The following GREM2 variants were observed in gnomAD, a reference collection of about 807,000 sequenced individuals.
GREM2 encodes the protein gremlin 2, DAN family BMP antagonist.
A neutral mutation model predicts 14.2 loss-of-function variants in GREM2; 11 were observed. The ratio of observed to expected loss-of-function variants is 0.78; its 90% CI spans 0.49 to 1.28. The LOEUF is 1.28. Ranked by LOEUF, GREM2 falls within the 50% of genes most tolerant of loss-of-function variation. GREM2 has a pLI of 0.00. For missense variants in GREM2, 210 were observed against 218.5 expected, an observed-to-expected ratio of 0.96 and a Z score of 0.24; for synonymous variants, 98 against 97.6, an observed-to-expected ratio of 1.00 and a Z score of -0.02.
intron 1 of GREM2, among the ~76,000 whole-genome samples, chr1:240,576,256 A>G (rs1200796531): frequency 1.3e-5 from 2 of 152,166 alleles, no homozygotes; most frequent in African/African-American, 2.4e-5. Context: ...AGGGCCAGCA[A>G]TAGAATTGTC....
rs535746531 is a variant in GREM2, at chr1:240,569,705, G to C, written c.-2+42179C>G. ...ACACCACATACAAAAATTTACTCAT[G>C]ATGGGTAACAGATACAAATGTAAAA... On this transcript the variant is annotated intron_variant, in intron 1 of 1. Transcript: ENST00000318160. Among the ~76,000 whole-genome samples, 6 of 152,240 alleles carry C rather than the reference G, an allele frequency of 3.9e-5. No homozygotes were observed. The East Asian group carries it at 5.8e-4, about 15-fold the overall frequency.
intron 1 of GREM2, among the ~76,000 whole-genome samples, chr1:240,523,419 A>C (rs1678147332): frequency 6.6e-6 from 1 of 152,194 alleles, no homozygotes; most frequent in South Asian, 2.1e-4. Context: ...CACCAGTAGC[A>C]GTTTCTCCCT....
At chr1:240,547,311 T>C (rs141934927) in intron 1 of GREM2, among the ~76,000 whole-genome samples, 36 of 151,774 alleles carry the variant, frequency 2.4e-4, no homozygotes, top group African/African-American at 7.0e-4. Context: ...CCATCCTGGC[T>C]AACACTGCGA....
chr1:240,584,078 C>T (rs943128115), intron 1 of GREM2, among the ~76,000 whole-genome samples: 1 of 151,862 alleles, frequency 6.6e-6, no homozygotes, highest in Admixed American at 6.6e-5. Flanking sequence ...TCAATGGATT[C>T]AACCAAACTC....
chr1:240,557,825 A>G (rs962876454), intron 1 of GREM2, among the ~76,000 whole-genome samples: 7 of 152,048 alleles, frequency 4.6e-5, no homozygotes, highest in African/African-American at 1.7e-4. Context: ...CAGGGTGACT[A>G]CCTCAGCAAG....
intron 1 of GREM2, among the ~76,000 whole-genome samples, chr1:240,505,518 T>G (rs934108128): frequency 6.6e-6 from 1 of 152,186 alleles, no homozygotes; most frequent in African/African-American, 2.4e-5. Flanking sequence ...CCTTTTTGTA[T>G]TTAATAATTA....
chr1:240,490,190 G>A lies in GREM2; in HGVS notation c.*2779C>T, dbSNP rs1677215638. ...TGCTGCAGTTTCTCAAGGTTTCCTT[G>A]TTTAGTGTTTCTCCTTCAGCCAGCA... is the stretch of plus-strand genomic sequence containing the variant. On this transcript the variant is annotated 3_prime_UTR_variant, in exon 2 of 2. Transcript: ENST00000318160. The A allele has an allele frequency of 6.6e-6, 1 of 152,202 alleles. No homozygotes were observed. Among genetic ancestry groups the A allele is most frequent in the East Asian group, 1.9e-4 (1 of 5,188 alleles). 9.4% of individuals were successfully genotyped at this position (152,202 alleles called of 1,614,324 possible).
chr1:240,593,506 A>T lies in GREM2; in HGVS notation c.-2+18378T>A, dbSNP rs570428361. 3.9e-5 allele frequency among the ~76,000 whole-genome samples: 6 copies of T among 152,334 alleles called. No homozygotes were observed. In the East Asian group the frequency reaches 9.6e-4, roughly 24 times the overall value. On this transcript the variant is annotated intron_variant, in intron 1 of 1. Coordinates refer to ENST00000318160, the MANE Select transcript of GREM2 (RefSeq NM_022469.4). ...CCAGATTTTAAAACCCAGCACAATG[A>T]GTCTACCTAGTTTACAAGATTAGGT...
intron 1 of GREM2, among the ~76,000 whole-genome samples, chr1:240,534,678 G>T (rs1678435831): frequency 6.9e-6 from 1 of 144,020 alleles, no homozygotes; most frequent in African/African-American, 2.6e-5. Flanking sequence ...GGGCGACAGA[G>T]CGAGACTCCA....
At chr1:240,608,754 T>C (rs1352704868) in intron 1 of GREM2, among the ~76,000 whole-genome samples, 1 of 152,192 alleles carries the variant, frequency 6.6e-6, no homozygotes, top group Non-Finnish European at 1.5e-5. Flanking sequence ...GAGGCCAAAA[T>C]AGAAACAAAC....
intron 1 of GREM2, among the ~76,000 whole-genome samples, chr1:240,559,409 T>C (rs1009598770): frequency 1.3e-4 from 18 of 141,202 alleles, no homozygotes; most frequent in African/African-American, 4.9e-4. Flanking sequence ...AATGGAGAAA[T>C]CTTGGCTCAT....
intron 1 of GREM2, among the ~76,000 whole-genome samples, chr1:240,552,592 C>T (rs1465457149): frequency 1.3e-5 from 2 of 152,074 alleles, no homozygotes. Context: ...TCTCTAAAAT[C>T]GTTTTAAATT....
At chr1:240,609,882 A>G (rs1011620740) in intron 1 of GREM2, among the ~76,000 whole-genome samples, 6 of 152,130 alleles carry the variant, frequency 3.9e-5, no homozygotes, top group Non-Finnish European at 7.3e-5. Context: ...TTTAAACTTT[A>G]CCAAACTTAT....
At chr1:240,497,184 A>G (rs570167046) in intron 1 of GREM2, among the ~76,000 whole-genome samples, 1 of 152,348 alleles carries the variant, frequency 6.6e-6, no homozygotes, top group East Asian at 1.9e-4. Flanking sequence ...GACCAACGAC[A>G]TCTGAATCAC....
In GREM2 at chr1:240,606,133, T is replaced by G. The variant is rs182179915; in HGVS notation, c.-2+5751A>C. ...GTCTTTCAGCAGATAAGCAGCAGTCTCTGATCCTAGCTCTAAATTAGCTGC... is the reference window on the plus strand; with the variant it reads ...GTCTTTCAGCAGATAAGCAGCAGTCGCTGATCCTAGCTCTAAATTAGCTGC... On this transcript the variant is annotated intron_variant, in intron 1 of 1. Transcript: ENST00000318160. Among the ~76,000 whole-genome samples the G allele has an allele frequency of 1.3e-4, 20 of 152,326 alleles. No homozygotes were observed. In the East Asian group the frequency reaches 3.7e-3, roughly 28 times the overall value.
intron 1 of GREM2, among the ~76,000 whole-genome samples, chr1:240,611,658 T>C (rs1680137888): frequency 6.6e-6 from 1 of 152,056 alleles, no homozygotes; most frequent in Non-Finnish European, 1.5e-5. Flanking sequence ...AGTTTGAAGG[T>C]CCTTATGTTA....
intron 1 of GREM2, among the ~76,000 whole-genome samples, chr1:240,531,388 G>C (rs1369204435): frequency 1.3e-5 from 2 of 152,244 alleles, no homozygotes; most frequent in Admixed American, 6.5e-5. Context: ...GTACAAGCTA[G>C]ACAGAAACGT....
rs201885420 is a variant in GREM2, at chr1:240,563,170, AGT to A, written c.-2+48712_-2+48713del. Among the ~76,000 whole-genome samples, 1,452 of 145,410 alleles carry A rather than the reference AGT, an allele frequency of 1.0e-2. 22 individuals carry two copies. The highest frequency in any genetic ancestry group is 0.042 in the South Asian group (188 of 4,528). The stretch of plus-strand genomic sequence containing the variant: ...GTGAGTGTGTATGTGTGTACGTGTG[AGT>A]GTGTGTATGTGTACGTGTGTGAGTG... On this transcript the variant is annotated intron_variant, in intron 1 of 1. Transcript: ENST00000318160.
At chr1:240,559,185 CA>C (rs1678998309) in intron 1 of GREM2, among the ~76,000 whole-genome samples, 1 of 152,110 alleles carries the variant, frequency 6.6e-6, no homozygotes, top group East Asian at 1.9e-4. Context: ...CATTGGTCTA[CA>C]GTGCACTTGG....
Sources: gnomAD v4.1 joint callset for allele counts (sites outside exome capture counted in the v4.1 genomes callset) on GRCh38, gnomAD v4.1.1 for gene constraint, MANE v1.5 for transcripts, NCBI Gene and HGNC (gene_info 2026-07-23, HGNC 2026-07-21) for gene names.